The following LOC128462377 variants were observed in gnomAD, a reference collection of about 807,000 sequenced individuals.
chr16:89,398,920 G>T, the LOC128462377 span, among the ~76,000 whole-genome samples: 19 of 152,072 alleles, frequency 1.2e-4, no homozygotes, highest in Non-Finnish European at 2.6e-4. Context: ...AGGATCCTGG[G>T]GCAGTCTCTG....
At chr16:89,391,054 CCA>C in the LOC128462377 span, among the ~76,000 whole-genome samples, 1 of 151,994 alleles carries the variant, frequency 6.6e-6, no homozygotes, top group Non-Finnish European at 1.5e-5. Context: ...CGGTGAAACC[CCA>C]TCTCTACTAA....
At chr16:89,350,947 T>G in the LOC128462377 span, among the ~76,000 whole-genome samples, 4 of 152,214 alleles carry the variant, frequency 2.6e-5, no homozygotes, top group African/African-American at 9.7e-5. Flanking sequence ...GGCTCTACCA[T>G]GTAGCTTAGG....
chr16:89,367,297 C>G, the LOC128462377 span, among the ~76,000 whole-genome samples: 1 of 152,246 alleles, frequency 6.6e-6, no homozygotes, highest in African/African-American at 2.4e-5. Context: ...GGGGCCAGTG[C>G]TGGCCCAGCA....
chr16:89,390,859 TC>T, the LOC128462377 span, among the ~76,000 whole-genome samples: 1 of 152,182 alleles, frequency 6.6e-6, no homozygotes, highest in African/African-American at 2.4e-5. Flanking sequence ...ACTGTGCATA[TC>T]CTTTGCAAAA....
the LOC128462377 span, among the ~76,000 whole-genome samples, chr16:89,368,463 C>T: frequency 4.1e-5 from 6 of 147,762 alleles, no homozygotes; most frequent in African/African-American, 1.5e-4. Context: ...CCTCGTGATC[C>T]ACCTGCCTCG....
At chr16:89,397,489 C>G in the LOC128462377 span, among the ~76,000 whole-genome samples, 2 of 152,352 alleles carry the variant, frequency 1.3e-5, no homozygotes, top group East Asian at 3.9e-4. Context: ...TTCCCCGTGG[C>G]GGGCCTTGCT....
chr16:89,349,000 C>T, the LOC128462377 span, among the ~76,000 whole-genome samples: 1 of 150,938 alleles, frequency 6.6e-6, no homozygotes, highest in Non-Finnish European at 1.5e-5. Flanking sequence ...TAGTAGAGCG[C>T]ACTTGTAATC....
chr16:89,341,791 G>A, the LOC128462377 span, among the ~76,000 whole-genome samples: 1 of 152,186 alleles, frequency 6.6e-6, no homozygotes, highest in African/African-American at 2.4e-5. Context: ...GCCAAGAGAT[G>A]GCAGAGTCTG....
At chr16:89,329,785 G>C in the LOC128462377 span, among the ~76,000 whole-genome samples, 1 of 152,164 alleles carries the variant, frequency 6.6e-6, no homozygotes, top group African/African-American at 2.4e-5. Flanking sequence ...CAGGCAGGCA[G>C]ATCACTTGAG....
chr16:89,327,599 C>G, the LOC128462377 span, among the ~76,000 whole-genome samples: 1 of 152,168 alleles, frequency 6.6e-6, no homozygotes, highest in Admixed American at 6.5e-5. Context: ...GAAATAAAGA[C>G]AGTACCATCC....
the LOC128462377 span, among the ~76,000 whole-genome samples, chr16:89,401,953 T>TCCA: frequency 1.3e-4 from 2 of 15,798 alleles, no homozygotes; most frequent in Admixed American, 6.4e-4. Context: ...CCCCCACCCC[T>TCCA]CCAGCACCGC....
At chr16:89,321,837 T>C in the LOC128462377 span, among the ~76,000 whole-genome samples, 3 of 152,302 alleles carry the variant, frequency 2.0e-5, no homozygotes, top group African/African-American at 7.2e-5. Flanking sequence ...TTCTTCCACC[T>C]CTGCCTCTCC....
chr16:89,388,012 C>CAA, the LOC128462377 span, among the ~76,000 whole-genome samples: 240 of 94,046 alleles, frequency 2.6e-3, 2 homozygotes, highest in Admixed American at 4.3e-3. Flanking sequence ...GACTCCATCT[C>CAA]AAAAAAAAAA....
the LOC128462377 span, among the ~76,000 whole-genome samples, chr16:89,416,302 T>TC: frequency 6.8e-6 from 1 of 147,424 alleles, no homozygotes; most frequent in African/African-American, 2.5e-5. Flanking sequence ...AATCCATCGA[T>TC]TTTTTTTTTT....
the LOC128462377 span, among the ~76,000 whole-genome samples, chr16:89,387,698 A>G: frequency 7.6e-5 from 11 of 145,666 alleles, no homozygotes; most frequent in African/African-American, 2.5e-4. Flanking sequence ...AAAAGAAAAA[A>G]AAAAAAAAAA....
chr16:89,335,954 G>T, the LOC128462377 span, among the ~76,000 whole-genome samples: 2 of 152,228 alleles, frequency 1.3e-5, no homozygotes, highest in Admixed American at 6.5e-5. Context: ...ACATGACCGT[G>T]CAACATGCTT....
At chr16:89,368,891 T>G in the LOC128462377 span, among the ~76,000 whole-genome samples, 1 of 152,010 alleles carries the variant, frequency 6.6e-6, no homozygotes, top group Non-Finnish European at 1.5e-5. Flanking sequence ...GGAGAAAGAC[T>G]CTGTTTCCAA....
At chr16:89,367,283 C>T in the LOC128462377 span, among the ~76,000 whole-genome samples, 2 of 152,314 alleles carry the variant, frequency 1.3e-5, no homozygotes, top group Admixed American at 6.5e-5. Flanking sequence ...AGACTCCTGC[C>T]GCAGGGGCCA....
the LOC128462377 span, among the ~76,000 whole-genome samples, chr16:89,377,825 G>A: frequency 6.6e-6 from 1 of 152,068 alleles, no homozygotes; most frequent in Non-Finnish European, 1.5e-5. Context: ...TACACCAAAT[G>A]CGCCTGCCTC....
Sources: gnomAD v4.1 joint callset for allele counts (sites outside exome capture counted in the v4.1 genomes callset) on GRCh38, gnomAD v4.1.1 for gene constraint, MANE v1.5 for transcripts.